MCTS2: variants seen among roughly 807,000 people sequenced by gnomAD.
MCTS2 encodes malignant T-cell-amplified sequence 2.
At chr20:31,547,835 TTA>T in the MCTS2 span, 2 of 933,260 alleles carry the variant, frequency 2.1e-6, no homozygotes, top group East Asian at 2.4e-5. Flanking sequence ...GGCGCAAATA[TTA>T]TGTGTCCAGG....
chr20:31,547,831 A>G, the MCTS2 span: 1 of 937,794 alleles, frequency 1.1e-6, no homozygotes, highest in Non-Finnish European at 1.8e-6. Flanking sequence ...CAGTGGCGCA[A>G]ATATTATGTG....
chr20:31,547,457 T>G, the MCTS2 span: 1 of 588,080 alleles, frequency 1.7e-6, no homozygotes, highest in Non-Finnish European at 3.0e-6. Context: ...ACCGGAGCCT[T>G]GCCAATTCCG....
At chr20:31,547,663 C>T in the MCTS2 span, 2 of 1,525,594 alleles carry the variant, frequency 1.3e-6, no homozygotes, top group Non-Finnish European at 8.9e-7. Flanking sequence ...CAAAATAGTC[C>T]GATGCCACGA....
At chr20:31,547,870 C>T in the MCTS2 span, 3 of 981,190 alleles carry the variant, frequency 3.1e-6, no homozygotes, top group East Asian at 4.8e-5. Flanking sequence ...TGGAGCTAAG[C>T]TGTACCCTGC....
At chr20:31,547,408 C>T in the MCTS2 span, 1 of 447,846 alleles carries the variant, frequency 2.2e-6, no homozygotes, top group South Asian at 2.9e-5. Flanking sequence ...GTCTGGCAGG[C>T]CGCGTGGCGC....
the MCTS2 span, chr20:31,547,696 A>G: frequency 2.2e-6 from 3 of 1,350,306 alleles, no homozygotes; most frequent in Non-Finnish European, 3.1e-6. Context: ...CCTTACCGTA[A>G]GTGGGGAATT....
the MCTS2 span, chr20:31,547,677 T>C: frequency 6.9e-7 from 1 of 1,459,212 alleles, no homozygotes; most frequent in Non-Finnish European, 9.4e-7. Context: ...GCCACGAACA[T>C]ACAGAAATCC....
chr20:31,547,761 CA>C, the MCTS2 span: 5 of 978,462 alleles, frequency 5.1e-6, no homozygotes, highest in Non-Finnish European at 6.5e-6. Context: ...GGTTGCTTCA[CA>C]AATACCCTTT....
the MCTS2 span, chr20:31,547,780 C>G: frequency 2.1e-6 from 2 of 948,186 alleles, no homozygotes; most frequent in South Asian, 2.7e-5. Flanking sequence ...TTTTATCCTG[C>G]CACACCAGCA....
At chr20:31,547,891 AC>A in the MCTS2 span, 2 of 1,042,720 alleles carry the variant, frequency 1.9e-6, no homozygotes, top group Non-Finnish European at 3.0e-6. Context: ...TGCAGTAGAT[AC>A]GATTGTAGCA....
At chr20:31,547,489 G>T in the MCTS2 span, 2 of 650,760 alleles carry the variant, frequency 3.1e-6, no homozygotes, top group Admixed American at 5.7e-5. Context: ...GTTGTCGCCC[G>T]CTTCACCCTG....
the MCTS2 span, chr20:31,547,510 A>C: frequency 1.4e-6 from 1 of 731,932 alleles, no homozygotes; most frequent in Non-Finnish European, 2.4e-6. Flanking sequence ...GATCATGTTC[A>C]AGAAGTTTGA....
At chr20:31,548,025 G>A in the MCTS2 span, 2 of 1,590,156 alleles carry the variant, frequency 1.3e-6, no homozygotes, top group South Asian at 1.1e-5. Flanking sequence ...ATGATGGGCT[G>A]TGGCACATGA....
the MCTS2 span, chr20:31,547,434 T>C: frequency 1.1e-5 from 6 of 522,346 alleles, no homozygotes; most frequent in Non-Finnish European, 2.1e-5. Context: ...CCGGCCTTCC[T>C]GCAGGGGACT....
chr20:31,547,783 C>A, the MCTS2 span: 3 of 948,926 alleles, frequency 3.2e-6, no homozygotes, highest in Non-Finnish European at 1.7e-6. Context: ...TATCCTGCCA[C>A]ACCAGCAGGT....
At chr20:31,547,380 G>A in the MCTS2 span, 1 of 391,980 alleles carries the variant, frequency 2.6e-6, no homozygotes, top group South Asian at 3.3e-5. Context: ...CTTCCGGTTA[G>A]CGACAACGGC....
the MCTS2 span, chr20:31,547,575 C>T: frequency 2.3e-6 from 3 of 1,312,568 alleles, no homozygotes; most frequent in Middle Eastern, 2.0e-4. Flanking sequence ...TTATTAAGGG[C>T]ATTAAGAGCC....
chr20:31,547,426 G>A, the MCTS2 span: 74 of 488,924 alleles, frequency 1.5e-4, no homozygotes, highest in African/African-American at 1.4e-3. Context: ...CGCCCGCGCC[G>A]GCCTTCCTGC....
chr20:31,547,472 T>C, the MCTS2 span: 1 of 614,288 alleles, frequency 1.6e-6, no homozygotes, highest in South Asian at 2.1e-5. Context: ...ATTCCGTTTG[T>C]TTCCCTGTTG....
Sources: allele counts gnomAD v4.1 joint callset, GRCh38; gene constraint gnomAD v4.1.1; transcripts MANE v1.5; gene names NCBI Gene and HGNC (gene_info 2026-07-23, HGNC 2026-07-21).